ANK3: variants seen among roughly 807,000 people sequenced by gnomAD.
ANK3 encodes the protein ankyrin 3.
In ANK3, 57 loss-of-function variants were observed where a neutral mutation model predicts 370.9. That is an observed-to-expected ratio of 0.15 (90% CI 0.12 to 0.19). The LOEUF (loss-of-function observed/expected upper bound fraction) is 0.19, where lower values mean the gene tolerates loss of function less well. Ranked by LOEUF, ANK3 falls within the 10% of genes least tolerant of loss-of-function variation. The pLI is 1.00. For missense variants in ANK3, 4,439 were observed against 5,302.1 expected (o/e 0.84, Z 5.06); for synonymous variants, 1,929 against 1,946.3 (o/e 0.99, Z 0.23).
Position 60,278,846 on chromosome 10 carries a change from T to G in ANK3, c.342A>C (p.Ala114=), listed in dbSNP as rs777217504. 1 of 1,613,952 alleles carries G rather than the reference T, an allele frequency of 6.2e-7. No individual in the cohort carries two copies. The highest frequency in any genetic ancestry group is 8.5e-7 in the Non-Finnish European group (1 of 1,179,914). ...TKKGNTALHI[A]SLAGQAEVVK... ...CCACCTCTGCTTGCCCAGCCAAAGA[T>G]GCGATGTGCAATGCTGTGTTTCCTT... Residue 114 remains alanine (A), a synonymous_variant, in exon 4 of 44, where the codon GCA becomes GCC. Coordinates refer to ENST00000280772, the MANE Select transcript of ANK3 (RefSeq NM_020987.5).
intron 1 of ANK3, among the ~76,000 whole-genome samples, chr10:60,338,740 T>A (rs545196825): frequency 1.5e-4 from 23 of 152,300 alleles, no homozygotes; most frequent in African/African-American, 5.3e-4. Flanking sequence ...TCTAAATAAA[T>A]CCCTAATTCA....
At chr10:60,328,528 A>G (rs535432683) in intron 1 of ANK3, among the ~76,000 whole-genome samples, 5 of 152,326 alleles carry the variant, frequency 3.3e-5, no homozygotes, top group African/African-American at 1.2e-4. Context: ...CAAATAAACT[A>G]GAAAATCTAG....
rs192359184 is a variant in ANK3, at chr10:60,239,717, A to C, written c.799-4931T>G. Among the ~76,000 whole-genome samples, 263 of 152,272 alleles carry C rather than the reference A, an allele frequency of 1.7e-3. 1 individual carries two copies. Among genetic ancestry groups the C allele is most frequent in the African/African-American group, 6.1e-3 (254 of 41,562 alleles). Reference sequence around the variant, plus strand: ...ATGGCAAAAAATGAAGGTAAGTAAAAGAGATAACGGATGGTCCAAAGTAAA... The same window carrying C: ...ATGGCAAAAAATGAAGGTAAGTAAACGAGATAACGGATGGTCCAAAGTAAA... On this transcript the variant is annotated intron_variant, in intron 7 of 43. Coordinates refer to ENST00000280772, the MANE Select transcript of ANK3 (RefSeq NM_020987.5).
chr10:60,394,898 T>C (rs1046766297), intron 2 of ANK3, among the ~76,000 whole-genome samples: 4 of 152,120 alleles, frequency 2.6e-5, no homozygotes, highest in Non-Finnish European at 4.4e-5. Flanking sequence ...TTTGGGTGTT[T>C]GCAAATTTAA....
intron 25 of ANK3, 151 bp downstream of exon 25, chr10:60,134,120 C>T: frequency 1.7e-6 from 1 of 593,866 alleles, no homozygotes; most frequent in Non-Finnish European, 2.8e-6. Flanking sequence ...TATAGTACAA[C>T]TTATTTTTTT....
intron 1 of ANK3, among the ~76,000 whole-genome samples, chr10:60,348,598 T>C (rs1046780433): frequency 2.0e-5 from 3 of 152,172 alleles, no homozygotes. Flanking sequence ...CATTACCCAC[T>C]TCAGAGGGTT....
At chr10:60,405,373 T>C (rs972400907) in intron 2 of ANK3, among the ~76,000 whole-genome samples, 1 of 152,158 alleles carries the variant, frequency 6.6e-6, no homozygotes, top group Non-Finnish European at 1.5e-5. Flanking sequence ...TTATGCTGAG[T>C]AAAAGAAGCA....
intron 1 of ANK3, among the ~76,000 whole-genome samples, chr10:60,687,164 A>C (rs1013838840): frequency 6.6e-6 from 1 of 152,202 alleles, no homozygotes; most frequent in African/African-American, 2.4e-5. Flanking sequence ...CTAATGACAC[A>C]TTCTTCAGAA....
chr10:60,606,058 T>C (rs978302798), intron 2 of ANK3, among the ~76,000 whole-genome samples: 2 of 152,186 alleles, frequency 1.3e-5, no homozygotes, highest in South Asian at 4.1e-4. Flanking sequence ...AAATGTAGCT[T>C]TATTATTAGA....
At chr10:60,317,910 G>A (rs147435481) in intron 1 of ANK3, among the ~76,000 whole-genome samples, 7 of 151,978 alleles carry the variant, frequency 4.6e-5, no homozygotes, top group African/African-American at 1.4e-4. Flanking sequence ...TAGAGACGGG[G>A]TTTCACTGCG....
chr10:60,242,962 G>C (rs558854770), intron 7 of ANK3, among the ~76,000 whole-genome samples: 1 of 151,792 alleles, frequency 6.6e-6, no homozygotes, highest in Admixed American at 6.6e-5. Context: ...TATTTTTTTC[G>C]CTAGACCAGG....
intron 1 of ANK3, among the ~76,000 whole-genome samples, chr10:60,357,552 T>C (rs142743181): frequency 2.1e-5 from 1 of 47,392 alleles, no homozygotes; most frequent in East Asian, 7.0e-4. Context: ...GGAAATCGAG[T>C]TGCACAGTTG....
intron 2 of ANK3, among the ~76,000 whole-genome samples, chr10:60,537,822 C>T (rs1272215474): frequency 6.6e-6 from 1 of 151,722 alleles, no homozygotes; most frequent in Non-Finnish European, 1.5e-5. Context: ...TAAAAAAAAT[C>T]TGAATCTTAA....
At chr10:60,548,774 A>G (rs1160552027) in intron 2 of ANK3, among the ~76,000 whole-genome samples, 1 of 152,156 alleles carries the variant, frequency 6.6e-6, no homozygotes, top group East Asian at 1.9e-4. Flanking sequence ...TAAACCATAG[A>G]AAAATTTCCC....
intron 21 of ANK3, among the ~76,000 whole-genome samples, chr10:60,169,478 C>G (rs1426581351): frequency 6.8e-6 from 1 of 147,252 alleles, no homozygotes; most frequent in Non-Finnish European, 1.5e-5. Context: ...ATACCATCAA[C>G]ATGACTTATC....
At chr10:60,308,371 C>T (rs558603734) in intron 1 of ANK3, among the ~76,000 whole-genome samples, 2 of 138,678 alleles carry the variant, frequency 1.4e-5, no homozygotes, top group South Asian at 4.6e-4. Flanking sequence ...ATGATCTCGG[C>T]TCACTGCAAC....
intron 2 of ANK3, among the ~76,000 whole-genome samples, chr10:60,483,313 T>G (rs1231975683): frequency 6.6e-6 from 1 of 152,220 alleles, no homozygotes; most frequent in African/African-American, 2.4e-5. Flanking sequence ...AATATCTCTA[T>G]TTAAAAACTT....
chr10:60,358,449 CTG>C lies in ANK3; in HGVS notation c.114+30974_114+30975del, dbSNP rs148894548. Among the ~76,000 whole-genome samples, 682 of 152,302 alleles carry C rather than the reference CTG, an allele frequency of 4.5e-3. 8 individuals carry two copies. Among genetic ancestry groups the C allele is most frequent in the African/African-American group, 0.015 (637 of 41,570 alleles). On this transcript the variant is annotated intron_variant, in intron 1 of 43. Transcript: ENST00000280772. Reference sequence around the variant, plus strand: ...CTTACCTGGTCTTTCCCCTGCCTCACTGTGTTTTACTTCTCAGCCTCTCATTT... The same window carrying C: ...CTTACCTGGTCTTTCCCCTGCCTCACTGTTTTACTTCTCAGCCTCTCATTT...
intron 2 of ANK3, among the ~76,000 whole-genome samples, chr10:60,426,015 G>C (rs376045903): frequency 6.6e-6 from 1 of 152,066 alleles, no homozygotes; most frequent in African/African-American, 2.4e-5. Flanking sequence ...AGAAAAAAGA[G>C]TACTTGACTA....
Sources: allele counts gnomAD v4.1 joint callset (sites outside exome capture counted in the v4.1 genomes callset), GRCh38; gene constraint gnomAD v4.1.1; transcripts MANE v1.5; gene names NCBI Gene and HGNC (gene_info 2026-07-23, HGNC 2026-07-21).